CA12: variants seen among roughly 807,000 people sequenced by gnomAD.
CA12 encodes carbonic anhydrase 12.
CA12 carries 36 observed loss-of-function variants against 46.8 expected under a neutral mutation model. That is an observed-to-expected ratio of 0.77 (90% confidence interval 0.59 to 1.02). The LOEUF (loss-of-function observed/expected upper bound fraction) is 1.02. Among genes scored for constraint, CA12 ranks in the 50% least tolerant of loss-of-function variants. The pLI, the probability that CA12 is intolerant of heterozygous loss-of-function variation, is 0.00. For missense variants in CA12, 436 were observed against 451.4 expected (o/e 0.97, Z 0.31); for synonymous variants, 202 against 187.0 (o/e 1.08, Z -0.65).
chr15:63,338,028 G>A (rs1377633676), intron 8 of CA12, among the ~76,000 whole-genome samples: 2 of 152,132 alleles, frequency 1.3e-5, no homozygotes, highest in Non-Finnish European at 2.9e-5. Context: ...CTGAAGAGGG[G>A]TGTGGGCCCC....
Position 63,327,113 on chromosome 15 carries a change from G to C in CA12, c.992+36C>G. ...GCAGACTAATCATCATGGACACATA[G>C]CTGTCCATTCCCATTTTGGACCCAA... On this transcript the variant is annotated intron_variant, in intron 10 of 10. Transcript: ENST00000178638. The surrounding 1 kb of genome is among the most constrained non-coding windows in gnomAD (Gnocchi z 4.5). 6.6e-7 allele frequency: 1 copy of C among 1,523,160 alleles called. No homozygotes were observed. Among genetic ancestry groups the C allele is most frequent in the Non-Finnish European group, 9.1e-7 (1 of 1,097,404 alleles). 94.4% of individuals were successfully genotyped at this position (1,523,160 alleles called of 1,614,324 possible). A position where few individuals can be genotyped will look rare whatever the true frequency, so the allele number is the denominator to read the frequency against.
At chr15:63,352,978 T>C (rs1472108276) in intron 2 of CA12, among the ~76,000 whole-genome samples, 1 of 152,116 alleles carries the variant, frequency 6.6e-6, no homozygotes, top group Non-Finnish European at 1.5e-5. Context: ...TGGAGTGCAA[T>C]TTAATTTTGG....
intron 2 of CA12, among the ~76,000 whole-genome samples, chr15:63,359,115 C>T (rs958062280): frequency 7.9e-5 from 12 of 152,144 alleles, no homozygotes; most frequent in Non-Finnish European, 1.8e-4. Flanking sequence ...GCTGTCCCCT[C>T]CCATGGCTTC....
chr15:63,362,046 G>T (rs1300048668), intron 2 of CA12, among the ~76,000 whole-genome samples: 1 of 152,184 alleles, frequency 6.6e-6, no homozygotes, highest in Admixed American at 6.5e-5. Flanking sequence ...AAAGGCCAGA[G>T]AGTAAGTTTT....
Position 63,341,585 on chromosome 15 carries a change from C to T in CA12, c.525+417G>A, listed in dbSNP as rs2039080526. Among the ~76,000 whole-genome samples, 1 of 152,162 alleles carries T rather than the reference C, an allele frequency of 6.6e-6. No individual in the cohort carries two copies. The highest frequency in any genetic ancestry group is 2.1e-4 in the South Asian group (1 of 4,826). ...CTTCTATGAAACTGGTCCCTGGTGC[C>T]AAAAAGGTTGGGGACCACTGATCTA... On this transcript the variant is annotated intron_variant, in intron 5 of 10. Coordinates refer to ENST00000178638, the MANE Select transcript of CA12 (RefSeq NM_001218.5). This position sits in a 1 kb window ranked among gnomAD's most constrained non-coding sequence, Gnocchi z 5.2.
At chr15:63,351,053 A>C (rs2039223224) in intron 2 of CA12, among the ~76,000 whole-genome samples, 1 of 152,256 alleles carries the variant, frequency 6.6e-6, no homozygotes, top group African/African-American at 2.4e-5. Context: ...AATAGGTCAT[A>C]AATTTTTAAC....
intron 2 of CA12, among the ~76,000 whole-genome samples, chr15:63,350,712 G>C (rs899081246): frequency 6.6e-6 from 1 of 151,880 alleles, no homozygotes; most frequent in South Asian, 2.1e-4. Flanking sequence ...GAGGCCCAGG[G>C]TGTAGGACCT....
intron 10 of CA12, among the ~76,000 whole-genome samples, 171 bp from the exon 11 acceptor site, chr15:63,326,528 C>A (rs1403920511): frequency 6.6e-6 from 1 of 152,152 alleles, no homozygotes; most frequent in African/African-American, 2.4e-5. Context: ...AAAGCTTTAA[C>A]AAAAACAGAA....
In CA12 at chr15:63,338,836, T is replaced by TA. The variant is rs2039037721; in HGVS notation, c.856dup (p.Tyr286LeufsTer51). The stretch of plus-strand genomic sequence containing the variant: ...CTCCTCACCTTGGGAGAAGGAGGTG[T>TA]ATACCAGCCTCTCATCGAACTTCTG... On this transcript the variant is annotated frameshift_variant, in exon 8 of 11. Transcript: ENST00000178638. LOFTEE classifies it high-confidence loss of function. The TA allele has an allele frequency of 6.2e-7, 1 of 1,614,072 alleles. No homozygotes were observed. Among genetic ancestry groups the TA allele is most frequent in the Non-Finnish European group, 8.5e-7 (1 of 1,180,008 alleles).
Position 63,372,066 on chromosome 15 carries a change from C to G in CA12, c.106+3592G>C, listed in dbSNP as rs3913344. On this transcript the variant is annotated intron_variant, in intron 2 of 10. Transcript: ENST00000178638. This position sits in a 1 kb window ranked among gnomAD's most constrained non-coding sequence, Gnocchi z 4.5. ...GCAGCACCCACACCAAGGACCTGAA[C>G]GTGCCCACAACCCTTCCTGCCTCCT... Among the ~76,000 whole-genome samples, 1 of 152,144 alleles carries G rather than the reference C, an allele frequency of 6.6e-6. No homozygotes were observed. Among genetic ancestry groups the G allele is most frequent in the African/African-American group, 2.4e-5 (1 of 41,420 alleles).
Position 63,330,336 on chromosome 15 carries a change from A to G in CA12, c.875-2206T>C, listed in dbSNP as rs1310308475. On this transcript the variant is annotated intron_variant, in intron 8 of 10. Transcript: ENST00000178638. The surrounding 1 kb of genome is among the most constrained non-coding windows in gnomAD (Gnocchi z 4.0). ...TCTTTTTTAAATGTAACCAGAGACC[A>G]TGGTCCCTGGAATCTTAAAAAAACA... 6.6e-6 allele frequency among the ~76,000 whole-genome samples: 1 copy of G among 152,200 alleles called. No individual in the cohort carries two copies. Among genetic ancestry groups the G allele is most frequent in the Non-Finnish European group, 1.5e-5 (1 of 68,032 alleles).
At position 63,379,957 on chromosome 15, in the gene CA12, A is replaced by G. The variant is rs79608784; in HGVS notation, c.85+1679T>C. 4.7e-3 allele frequency among the ~76,000 whole-genome samples: 711 copies of G among 152,288 alleles called. 10 individuals carry two copies. Among genetic ancestry groups the G allele is most frequent in the African/African-American group, 0.016 (681 of 41,554 alleles). ...TGACATTGTTCTTGAACATTCTCCA[A>G]TGCTGGAAGTTTAAATGCACCAGGC... is the stretch of plus-strand genomic sequence containing the variant. On this transcript the variant is annotated intron_variant, in intron 1 of 10. Transcript: ENST00000178638.
Position 63,340,713 on chromosome 15 carries a change from C to T in CA12, c.589+7G>A, listed in dbSNP as rs375480906. ...AGAGAGTGAATATGCATGCAAGGACCCCTCACCTTTGTACTTTACATGTTG... is the reference window on the plus strand; with the variant it reads ...AGAGAGTGAATATGCATGCAAGGACTCCTCACCTTTGTACTTTACATGTTG... On this transcript the variant is annotated splice_region_variant and intron_variant, in intron 6 of 10. Transcript: ENST00000178638. The surrounding 1 kb of genome is among the most constrained non-coding windows in gnomAD (Gnocchi z 4.4). The T allele has an allele frequency of 6.2e-6, 10 of 1,613,548 alleles. No individual in the cohort carries two copies. Among genetic ancestry groups the T allele is most frequent in the Non-Finnish European group, 6.8e-6 (8 of 1,179,454 alleles).
chr15:63,353,444 C>T (rs79664659), intron 2 of CA12, among the ~76,000 whole-genome samples: 6,024 of 152,290 alleles, frequency 0.04, 151 homozygotes, highest in Non-Finnish European at 0.056. Flanking sequence ...CATCCGGCCT[C>T]CCTTTGCCAG....
At position 63,327,104 on chromosome 15, in the gene CA12, G is replaced by T; in HGVS notation, c.992+45C>A. The T allele has an allele frequency of 2.0e-6, 3 of 1,519,130 alleles. No homozygotes were observed. Among genetic ancestry groups the T allele is most frequent in the South Asian group, 1.1e-5 (1 of 88,874 alleles). 94.1% of individuals were successfully genotyped at this position (1,519,130 alleles called of 1,614,324 possible). ...CCTTCCCAGGCAGACTAATCATCATGGACACATAGCTGTCCATTCCCATTT... is the reference window on the plus strand; with the variant it reads ...CCTTCCCAGGCAGACTAATCATCATTGACACATAGCTGTCCATTCCCATTT... On this transcript the variant is annotated intron_variant, in intron 10 of 10. Transcript: ENST00000178638. The surrounding 1 kb of genome is among the most constrained non-coding windows in gnomAD (Gnocchi z 4.5).
intron 2 of CA12, among the ~76,000 whole-genome samples, chr15:63,361,596 G>A (rs1052987328): frequency 6.6e-6 from 1 of 152,178 alleles, no homozygotes; most frequent in African/African-American, 2.4e-5. Flanking sequence ...CTGGAAGGTC[G>A]AGACTGGACT....
At chr15:63,353,108 C>T (rs2039254264) in intron 2 of CA12, among the ~76,000 whole-genome samples, 2 of 152,028 alleles carry the variant, frequency 1.3e-5, no homozygotes, top group African/African-American at 4.8e-5. Flanking sequence ...CACTCACAGA[C>T]CAGTGTAAGA....
intron 8 of CA12, among the ~76,000 whole-genome samples, chr15:63,335,883 C>T (rs758119293): frequency 1.3e-5 from 2 of 152,198 alleles, no homozygotes; most frequent in Admixed American, 6.5e-5. Context: ...GAATGCAGCC[C>T]CCTGGGCAGA....
At chr15:63,354,858 TCTC>T (rs2039275323) in intron 2 of CA12, among the ~76,000 whole-genome samples, 1 of 151,906 alleles carries the variant, frequency 6.6e-6, no homozygotes, top group Non-Finnish European at 1.5e-5. Context: ...AGGAAGTCCT[TCTC>T]CTCCACCCCG....
Sources: allele counts gnomAD v4.1 joint callset (sites outside exome capture counted in the v4.1 genomes callset), GRCh38; gene constraint gnomAD v4.1.1; non-coding constraint Gnocchi (gnomAD v3.1); transcripts MANE v1.5; gene names NCBI Gene and HGNC (gene_info 2026-07-23, HGNC 2026-07-21).